The following WDPCP variants were observed in gnomAD, a reference collection of about 807,000 sequenced individuals.
WDPCP encodes the protein WD repeat-containing and planar cell polarity effector protein fritz homolog.
A neutral mutation model predicts 93.1 loss-of-function variants in WDPCP; 71 were observed. That is an observed-to-expected ratio of 0.76 (90% CI 0.63 to 0.93). The LOEUF (loss-of-function observed/expected upper bound fraction) is 0.93. WDPCP is among the 40% of genes least tolerant of loss of function. The pLI, the probability that WDPCP is intolerant of heterozygous loss-of-function variation, is 0.00. For missense variants in WDPCP, 844 were observed against 887.4 expected (o/e 0.95, Z 0.62); for synonymous variants, 315 against 315.0 (o/e 1.00, Z 0.00).
At chr2:63,589,070 G>A, upstream of WDPCP, 1 of 1,614,200 alleles carries the variant, frequency 6.2e-7, no homozygotes, top group East Asian at 2.2e-5. Context: ...CCGGGTTCCT[G>A]CCCACCTCTG....
intron 1 of WDPCP, among the ~76,000 whole-genome samples, chr2:63,587,262 C>T (rs1197764170): frequency 6.6e-6 from 1 of 152,064 alleles, no homozygotes; most frequent in Non-Finnish European, 1.5e-5. Flanking sequence ...TTAGTATAGA[C>T]AGAGAATACA....
intron 1 of WDPCP, among the ~76,000 whole-genome samples, chr2:63,501,967 T>C (rs1017176238): frequency 6.6e-6 from 1 of 152,302 alleles, no homozygotes; most frequent in South Asian, 2.1e-4. Flanking sequence ...CACATACTTA[T>C]TGTTTTTTAA....
chr2:63,563,486 T>C (rs537331046), intron 1 of WDPCP, among the ~76,000 whole-genome samples: 2 of 152,088 alleles, frequency 1.3e-5, no homozygotes, highest in South Asian at 2.1e-4. Flanking sequence ...TTCATATATA[T>C]GAAATGTGTA....
chr2:63,685,094 G>A (rs188623049), intron 2 of WDPCP, among the ~76,000 whole-genome samples: 2 of 152,000 alleles, frequency 1.3e-5, no homozygotes, highest in East Asian at 1.9e-4. Flanking sequence ...CAAAATTGTA[G>A]AAGAAATAAT....
intron 15 of WDPCP, among the ~76,000 whole-genome samples, chr2:63,166,782 C>T (rs991615415): frequency 1.3e-5 from 2 of 152,084 alleles, no homozygotes; most frequent in African/African-American, 4.8e-5. Flanking sequence ...TTTATCATTT[C>T]CTTGTGTTAC....
At chr2:63,234,892 A>G (rs1021804232) in intron 14 of WDPCP, among the ~76,000 whole-genome samples, 1 of 152,194 alleles carries the variant, frequency 6.6e-6, no homozygotes, top group Non-Finnish European at 1.5e-5. Flanking sequence ...AAAGCCCTTC[A>G]AAGATGAAAA....
At chr2:63,503,574 A>G (rs1271583543) in intron 1 of WDPCP, among the ~76,000 whole-genome samples, 1 of 152,158 alleles carries the variant, frequency 6.6e-6, no homozygotes, top group Non-Finnish European at 1.5e-5. Context: ...CTTCAAAAAT[A>G]TGAACTTCAT....
chr2:63,452,547 C>T (rs886719825), intron 6 of WDPCP, among the ~76,000 whole-genome samples: 3 of 152,178 alleles, frequency 2.0e-5, no homozygotes, highest in African/African-American at 7.2e-5. Flanking sequence ...AATGCCATCC[C>T]CATCAAGCTA....
chr2:63,684,906 T>C (rs1429872704), intron 2 of WDPCP, among the ~76,000 whole-genome samples: 1 of 151,938 alleles, frequency 6.6e-6, no homozygotes, highest in Non-Finnish European at 1.5e-5. Flanking sequence ...AGAAGGAAAT[T>C]TTAAAAATGT....
At chr2:63,271,870 C>A (rs1021966645) in intron 13 of WDPCP, among the ~76,000 whole-genome samples, 5 of 152,278 alleles carry the variant, frequency 3.3e-5, no homozygotes, top group African/African-American at 9.6e-5. Context: ...AACTGGCTTG[C>A]CCAGACTGCT....
In WDPCP at chr2:63,420,427, G is replaced by A. The variant is rs992159601; in HGVS notation, c.825+13318C>T. ...CACATGCCTGTAATCCCAGCTATTC[G>A]GGAGGCTGAGGCAGCAAAATCACTT... is the stretch of plus-strand genomic sequence containing the variant. On this transcript the variant is annotated intron_variant, in intron 9 of 17. Transcript: ENST00000272321. 2.7e-5 allele frequency among the ~76,000 whole-genome samples: 4 copies of A among 150,160 alleles called. No homozygotes were observed. In the East Asian group the frequency reaches 5.8e-4, roughly 22 times the overall value.
At chr2:63,197,361 A>G (rs912067877) in intron 14 of WDPCP, among the ~76,000 whole-genome samples, 1 of 152,194 alleles carries the variant, frequency 6.6e-6, no homozygotes, top group Admixed American at 6.5e-5. Flanking sequence ...GCTATTGGTA[A>G]TGCTTCCAAT....
rs534521180 is a variant in WDPCP at position 63,119,634 on chromosome 2, C to T, written c.*2372G>A. ...TAATATAAATTACTGTGGAAATTAC[C>T]TCAGATCTGAGAAATCTGGAAAATA... On this transcript the variant is annotated 3_prime_UTR_variant, in exon 18 of 18. Transcript: ENST00000272321. 5 of 152,202 alleles carry T rather than the reference C, an allele frequency of 3.3e-5. No homozygotes were observed. Among genetic ancestry groups the T allele is most frequent in the African/African-American group, 1.2e-4 (5 of 41,528 alleles). The allele number at this position is 152,202 out of a possible 1,614,324, so 9.4% of individuals were successfully genotyped here.
chr2:63,609,321 A>G (rs534739630), intron 3 of WDPCP, among the ~76,000 whole-genome samples: 1 of 152,234 alleles, frequency 6.6e-6, no homozygotes, highest in African/African-American at 2.4e-5. Flanking sequence ...AGATCATGCC[A>G]CTGCACTCCA....
intron 14 of WDPCP, chr2:63,232,392 T>C (rs981982114): frequency 6.6e-6 from 1 of 152,200 alleles, no homozygotes; most frequent in Non-Finnish European, 1.5e-5. Context: ...CTTTGAAATG[T>C]AGTGAAAGAC....
At chr2:63,385,071 C>A (rs2104940054) in intron 10 of WDPCP, among the ~76,000 whole-genome samples, 1 of 151,888 alleles carries the variant, frequency 6.6e-6, no homozygotes, top group South Asian at 2.1e-4. Context: ...AGAGAAAAAA[C>A]CTATAATCAT....
At chr2:63,452,952 T>C (rs1698361051) in intron 6 of WDPCP, among the ~76,000 whole-genome samples, 1 of 152,160 alleles carries the variant, frequency 6.6e-6, no homozygotes, top group African/African-American at 2.4e-5. Flanking sequence ...TCAAGATGGA[T>C]TAAAGACTTA....
At position 63,120,818 on chromosome 2, in the gene WDPCP, G is replaced by A. The variant is rs1160465048; in HGVS notation, c.*1188C>T. ...CAAAGTGCTGGGATTACAGGCGTGAGCCACCGTGCCTGGCCTATAGATGTC... is the reference window on the plus strand; with the variant it reads ...CAAAGTGCTGGGATTACAGGCGTGAACCACCGTGCCTGGCCTATAGATGTC... On this transcript the variant is annotated 3_prime_UTR_variant, in exon 18 of 18. Transcript: ENST00000272321. 2.0e-5 allele frequency among the ~76,000 whole-genome samples: 3 copies of A among 151,960 alleles called. No individual in the cohort carries two copies. The highest frequency in any genetic ancestry group is 2.9e-5 in the Non-Finnish European group (2 of 67,992).
chr2:63,695,592 G>C (rs1328065552), intron 2 of WDPCP, among the ~76,000 whole-genome samples: 1 of 152,180 alleles, frequency 6.6e-6, no homozygotes, highest in Non-Finnish European at 1.5e-5. Context: ...CTAGTCTTAA[G>C]AGAGGTGGAT....
Sources: gnomAD v4.1 joint callset for allele counts (sites outside exome capture counted in the v4.1 genomes callset) on GRCh38, gnomAD v4.1.1 for gene constraint, MANE v1.5 for transcripts, NCBI Gene and HGNC (gene_info 2026-07-23, HGNC 2026-07-21) for gene names.